The following CNTN6 variants were observed in gnomAD, a reference collection of about 807,000 sequenced individuals.
The protein encoded by CNTN6 is contactin 6.
CNTN6 carries 137 observed loss-of-function variants against 122.8 expected under a neutral mutation model. The ratio of observed to expected loss-of-function variants is 1.12; its 90% confidence interval spans 0.97 to 1.29. CNTN6 has a LOEUF of 1.29. Among genes scored for constraint, CNTN6 ranks in the 50% most tolerant of loss-of-function variants. The pLI is 0.00. For missense variants in CNTN6, 1,634 were observed against 1,223.4 expected (o/e 1.34, Z -5.01); for synonymous variants, 570 against 426.0 (o/e 1.34, Z -4.16).
chr3:1,167,234 C>T (rs749932808), intron 2 of CNTN6, among the ~76,000 whole-genome samples: 1 of 152,106 alleles, frequency 6.6e-6, no homozygotes, highest in South Asian at 2.1e-4. Context: ...TACTGAACCC[C>T]TCTCTGTCTT....
chr3:1,385,871 T>C (rs1692821753), intron 20 of CNTN6, 74 bp downstream of exon 20: 2 of 1,342,692 alleles, frequency 1.5e-6, no homozygotes, highest in African/African-American at 3.0e-5. Flanking sequence ...GATGTTCATT[T>C]CATTCCCACA....
intron 4 of CNTN6, among the ~76,000 whole-genome samples, chr3:1,251,167 T>G (rs1489216478): frequency 1.3e-5 from 2 of 152,216 alleles, no homozygotes; most frequent in Non-Finnish European, 2.9e-5. Flanking sequence ...GTTTCTTGAC[T>G]TCTTTCGTTC....
At chr3:1,276,592 G>C (rs915434606) in intron 4 of CNTN6, among the ~76,000 whole-genome samples, 2 of 152,044 alleles carry the variant, frequency 1.3e-5, no homozygotes. Flanking sequence ...ACAACAAAAC[G>C]TCCCTACATT....
intron 2 of CNTN6, among the ~76,000 whole-genome samples, chr3:1,199,745 C>A (rs962170160): frequency 5.9e-5 from 9 of 152,118 alleles, no homozygotes; most frequent in Non-Finnish European, 1.2e-4. Flanking sequence ...TCACTCATGG[C>A]TCAAAAGGAA....
At chr3:1,096,599 T>TAGTATA (rs1156344306) in intron 1 of CNTN6, among the ~76,000 whole-genome samples, 1 of 152,240 alleles carries the variant, frequency 6.6e-6, no homozygotes, top group Non-Finnish European at 1.5e-5. Flanking sequence ...CTTGAATGAA[T>TAGTATA]AGTATAGCTT....
At chr3:1,290,492 G>T (rs934538822) in intron 5 of CNTN6, among the ~76,000 whole-genome samples, 63 of 152,150 alleles carry the variant, frequency 4.1e-4, no homozygotes, top group African/African-American at 1.5e-3. Flanking sequence ...CAATTGTAAA[G>T]ACATTGAAAA....
chr3:1,383,664 CAA>C (rs373934800), intron 19 of CNTN6, among the ~76,000 whole-genome samples: 4,939 of 145,122 alleles, frequency 0.034, 111 homozygotes, highest in South Asian at 0.054. Flanking sequence ...AAAACAAAAA[CAA>C]AAAAAAACAG....
intron 1 of CNTN6, among the ~76,000 whole-genome samples, chr3:1,107,224 G>T (rs865821553): frequency 5.3e-5 from 8 of 152,096 alleles, no homozygotes; most frequent in Non-Finnish European, 1.2e-4. Context: ...GAGAAATTCA[G>T]TTGACCTTGC....
intron 1 of CNTN6, among the ~76,000 whole-genome samples, chr3:1,103,062 C>CAT (rs1553591005): frequency 3.3e-5 from 5 of 151,686 alleles, no homozygotes; most frequent in Admixed American, 6.6e-5. Flanking sequence ...GCCAAGATGG[C>CAT]GCCACCGCAC....
chr3:1,374,880 G>T (rs538371172), intron 16 of CNTN6, among the ~76,000 whole-genome samples: 134 of 152,062 alleles, frequency 8.8e-4, no homozygotes, highest in Non-Finnish European at 1.5e-3. Context: ...CATAGAATTG[G>T]GGCTAGAAAA....
At position 1,097,629 on chromosome 3, in the gene CNTN6, CAAGTT is replaced by C. The variant is rs560686620; in HGVS notation, c.-83+4510_-83+4514del. On this transcript the variant is annotated intron_variant, in intron 1 of 22. Coordinates refer to ENST00000446702, the MANE Select transcript of CNTN6 (RefSeq NM_001289080.2). ...CACAGAATAGCTCTGTGGTCTTAGG[CAAGTT>C]TCTTAGCCTCTTTGTACTTCAGTTT... is the stretch of plus-strand genomic sequence containing the variant. Among the ~76,000 whole-genome samples the C allele has an allele frequency of 7.9e-5, 12 of 152,240 alleles. No homozygotes were observed. In the South Asian group the frequency reaches 2.5e-3, roughly 32 times the overall value.
intron 1 of CNTN6, among the ~76,000 whole-genome samples, chr3:1,126,466 T>C (rs1473980754): frequency 6.6e-6 from 1 of 151,850 alleles, no homozygotes; most frequent in African/African-American, 2.4e-5. Flanking sequence ...ATTTCCAATC[T>C]CATTATACCC....
intron 16 of CNTN6, among the ~76,000 whole-genome samples, chr3:1,376,526 G>T (rs942816018): frequency 3.3e-5 from 5 of 151,950 alleles, no homozygotes; most frequent in East Asian, 1.9e-4. Flanking sequence ...TTTAAAACAA[G>T]AATATTTATT....
intron 2 of CNTN6, among the ~76,000 whole-genome samples, chr3:1,180,500 C>A (rs1283632255): frequency 6.6e-6 from 1 of 152,100 alleles, no homozygotes; most frequent in Admixed American, 6.6e-5. Flanking sequence ...CCTGCTGACT[C>A]TATTTTTAAA....
At chr3:1,309,782 T>C (rs947059370) in intron 7 of CNTN6, among the ~76,000 whole-genome samples, 5 of 152,184 alleles carry the variant, frequency 3.3e-5, no homozygotes, top group Non-Finnish European at 5.9e-5. Context: ...ATTTCTCCGC[T>C]TATTTCGATC....
chr3:1,151,232 G>A (rs2092835611), intron 2 of CNTN6, among the ~76,000 whole-genome samples: 1 of 152,184 alleles, frequency 6.6e-6, no homozygotes, highest in South Asian at 2.1e-4. Flanking sequence ...ATATCTTGCT[G>A]GTACTTGGTA....
intron 2 of CNTN6, among the ~76,000 whole-genome samples, chr3:1,210,174 G>T (rs917185536): frequency 6.6e-6 from 1 of 152,042 alleles, no homozygotes; most frequent in South Asian, 2.1e-4. Flanking sequence ...TTGATCTTTT[G>T]ACTTAAAGCT....
intron 4 of CNTN6, among the ~76,000 whole-genome samples, chr3:1,275,222 C>A (rs772835370): frequency 3.3e-5 from 5 of 152,146 alleles, no homozygotes; most frequent in Non-Finnish European, 5.9e-5. Flanking sequence ...TGGCCTCACC[C>A]TCCAAACCTT....
intron 1 of CNTN6, among the ~76,000 whole-genome samples, chr3:1,122,802 T>C (rs11710474): frequency 0.62 from 93,761 of 151,698 alleles, 30,096 homozygotes; most frequent in East Asian, 0.76. Flanking sequence ...TATGGCTGAA[T>C]AATATTCCAT....
Sources: allele counts gnomAD v4.1 joint callset (sites outside exome capture counted in the v4.1 genomes callset), GRCh38; gene constraint gnomAD v4.1.1; transcripts MANE v1.5; gene names NCBI Gene and HGNC (gene_info 2026-07-23, HGNC 2026-07-21).